The following WDPCP variants were observed in gnomAD, a reference collection of about 807,000 sequenced individuals.
WDPCP encodes WD repeat-containing and planar cell polarity effector protein fritz homolog.
In WDPCP, 71 loss-of-function variants were observed where a neutral mutation model predicts 93.1. The ratio of observed to expected loss-of-function variants is 0.76; its 90% CI spans 0.63 to 0.93. The LOEUF is 0.93. Ranked by LOEUF, WDPCP falls within the 40% of genes least tolerant of loss-of-function variation. The pLI, the probability that WDPCP is intolerant of heterozygous loss-of-function variation, is 0.00. For missense variants in WDPCP, 844 were observed against 887.4 expected, an observed-to-expected ratio of 0.95 and a Z score of 0.62; for synonymous variants, 315 against 315.0, an observed-to-expected ratio of 1.00 and a Z score of 0.00.
At chr2:63,711,927 G>A (rs1175830510) in intron 2 of WDPCP, among the ~76,000 whole-genome samples, 2 of 152,186 alleles carry the variant, frequency 1.3e-5, no homozygotes, top group Non-Finnish European at 2.9e-5. Context: ...CCTTGCTACT[G>A]CTGCTGGGAT....
chr2:63,778,815 T>C (rs913093114), intron 2 of WDPCP, among the ~76,000 whole-genome samples: 4 of 152,202 alleles, frequency 2.6e-5, no homozygotes, highest in African/African-American at 9.6e-5. Context: ...ATCCTCTATA[T>C]AATATTGCCA....
chr2:63,723,513 A>G (rs1441080217), intron 2 of WDPCP, among the ~76,000 whole-genome samples: 1 of 152,190 alleles, frequency 6.6e-6, no homozygotes, highest in Non-Finnish European at 1.5e-5. Flanking sequence ...CCAGAACAGA[A>G]TCTCCATGTT....
intron 2 of WDPCP, among the ~76,000 whole-genome samples, chr2:63,685,764 G>C (rs1464429842): frequency 6.6e-6 from 1 of 152,146 alleles, no homozygotes; most frequent in Non-Finnish European, 1.5e-5. Context: ...TCATGACCAA[G>C]TGAGATTTAT....
intron 1 of WDPCP, among the ~76,000 whole-genome samples, chr2:63,526,949 G>A (rs1439392503): frequency 6.6e-6 from 1 of 152,126 alleles, no homozygotes; most frequent in Non-Finnish European, 1.5e-5. Context: ...AATATTCGAT[G>A]AACGGAGATT....
chr2:63,579,447 T>C (rs1309747080), intron 1 of WDPCP, among the ~76,000 whole-genome samples: 4 of 151,944 alleles, frequency 2.6e-5, no homozygotes, highest in Non-Finnish European at 2.9e-5. Context: ...CTATCTCTAC[T>C]AAAAGTACAA....
At chr2:63,122,593 C>T (rs1394668862) in intron 17 of WDPCP, among the ~76,000 whole-genome samples, 10 of 152,244 alleles carry the variant, frequency 6.6e-5, no homozygotes, top group South Asian at 4.1e-4. Context: ...CTTTCTTTTG[C>T]ACCTTCTGCC....
At chr2:63,271,941 C>T (rs907901301) in intron 13 of WDPCP, among the ~76,000 whole-genome samples, 2 of 152,150 alleles carry the variant, frequency 1.3e-5, no homozygotes, top group Non-Finnish European at 2.9e-5. Context: ...ACACTGCTAC[C>T]GTCATTGCTA....
chr2:63,127,444 A>C (rs893679184), intron 17 of WDPCP, among the ~76,000 whole-genome samples: 11 of 151,874 alleles, frequency 7.2e-5, no homozygotes, highest in Non-Finnish European at 1.3e-4. Flanking sequence ...TTTAAAAATC[A>C]ATTTTTAGAG....
rs139048176 is a variant in WDPCP, at chr2:63,339,206, C to T, written c.1749-25895G>A. 2.2e-3 allele frequency among the ~76,000 whole-genome samples: 339 copies of T among 152,190 alleles called. 1 individual carries two copies. The highest frequency in any genetic ancestry group is 0.01 in the Middle Eastern group (3 of 294). On this transcript the variant is annotated intron_variant, in intron 12 of 17. Transcript: ENST00000272321. Reference sequence around the variant, plus strand: ...TTTTATTTTTTGAGATGGAGTCTCACTCTGTCACCCAGGCTAGAGGGCAGT... The same window carrying T: ...TTTTATTTTTTGAGATGGAGTCTCATTCTGTCACCCAGGCTAGAGGGCAGT...
At chr2:63,670,666 C>T (rs777479395) in intron 2 of WDPCP, among the ~76,000 whole-genome samples, 36 of 152,050 alleles carry the variant, frequency 2.4e-4, no homozygotes, top group Non-Finnish European at 4.1e-4. Flanking sequence ...TGGAGGAAAG[C>T]GGTGATGAGA....
intron 2 of WDPCP, among the ~76,000 whole-genome samples, chr2:63,702,586 A>AT (rs1669074708): frequency 6.7e-6 from 1 of 148,872 alleles, no homozygotes; most frequent in Non-Finnish European, 1.5e-5. Context: ...TCTCCCAGGG[A>AT]GGAGTGCATT....
intron 3 of WDPCP, chr2:63,622,861 C>A: frequency 6.4e-7 from 1 of 1,570,356 alleles, no homozygotes; most frequent in Non-Finnish European, 8.7e-7. Flanking sequence ...TCAGCACCCG[C>A]GCAGCATCAG....
chr2:63,509,708 A>G (rs1702106527), intron 1 of WDPCP, among the ~76,000 whole-genome samples: 1 of 152,176 alleles, frequency 6.6e-6, no homozygotes, highest in African/African-American at 2.4e-5. Context: ...GAGAAAAGAG[A>G]GAAGAATCAA....
At chr2:63,135,796 A>G (rs746195167) in intron 17 of WDPCP, among the ~76,000 whole-genome samples, 24 of 152,026 alleles carry the variant, frequency 1.6e-4, no homozygotes, top group Non-Finnish European at 3.1e-4. Flanking sequence ...CAGAGGTGTG[A>G]TTATGGCCTA....
chr2:63,433,497 T>C (rs908709253), intron 9 of WDPCP, among the ~76,000 whole-genome samples: 1 of 152,200 alleles, frequency 6.6e-6, no homozygotes, highest in African/African-American at 2.4e-5. Flanking sequence ...GTTAGTAACT[T>C]GGTCAAGGAC....
chr2:63,367,626 T>C (rs1316820314), intron 12 of WDPCP, among the ~76,000 whole-genome samples: 3 of 152,178 alleles, frequency 2.0e-5, no homozygotes, highest in Non-Finnish European at 4.4e-5. Context: ...ATGTGTGATA[T>C]AGATCTATGT....
At chr2:63,618,855 A>T (rs555702545) in intron 3 of WDPCP, among the ~76,000 whole-genome samples, 28 of 152,036 alleles carry the variant, frequency 1.8e-4, no homozygotes, top group Admixed American at 7.9e-4. Context: ...TCGCCTAGCT[A>T]ATTTTGTATT....
intron 8 of WDPCP, among the ~76,000 whole-genome samples, chr2:63,435,677 A>T (rs947208293): frequency 6.6e-6 from 1 of 152,186 alleles, no homozygotes; most frequent in African/African-American, 2.4e-5. Context: ...GTATTCTGTC[A>T]TGATGACCAA....
chr2:63,650,699 G>A (rs1710099000), exon 3 of WDPCP: 1 of 152,108 alleles, frequency 6.6e-6, no homozygotes, highest in Non-Finnish European at 1.5e-5. Context: ...TTTCCTGGAG[G>A]TCCTTCTTGG....
Sources: gnomAD v4.1 joint callset for allele counts (sites outside exome capture counted in the v4.1 genomes callset) on GRCh38, gnomAD v4.1.1 for gene constraint, MANE v1.5 for transcripts, NCBI Gene and HGNC (gene_info 2026-07-23, HGNC 2026-07-21) for gene names.